Variants in NET1 observed in about 807,000 individuals in gnomAD.
NET1 encodes the protein neuroepithelial cell-transforming gene 1 protein.
NET1 carries 42 observed loss-of-function variants against 61.1 expected under a neutral mutation model. That is an observed-to-expected ratio of 0.69 (90% CI 0.54 to 0.89). The LOEUF is 0.89. Ranked by LOEUF, NET1 falls within the 40% of genes least tolerant of loss-of-function variation. NET1 has a pLI of 0.00. For synonymous variants in NET1, 254 were observed against 281.8 expected (o/e 0.90, Z 0.99); for missense variants, 654 against 747.3 (o/e 0.88, Z 1.46).
chr10:5,430,438 G>A (rs530370640), intron 3 of NET1, among the ~76,000 whole-genome samples: 7 of 150,414 alleles, frequency 4.7e-5, no homozygotes, highest in Admixed American at 4.0e-4. Flanking sequence ...GCAGTGGTGC[G>A]ATCTCGGCCC....
rs1473397787 is a variant in NET1 at position 5,422,811 on chromosome 10, G to A, written c.129-3844G>A. Among the ~76,000 whole-genome samples, 1 of 152,220 alleles carries A rather than the reference G, an allele frequency of 6.6e-6. No individual in the cohort carries two copies. The highest frequency in any genetic ancestry group is 2.4e-5 in the African/African-American group (1 of 41,464). ...GCAAAGATGCTGAACAGCCAAAACA[G>A]TAGTGGATGTCTACTACATCAGATA... On this transcript the variant is annotated intron_variant, in intron 1 of 11. Transcript: ENST00000355029. This position sits in a 1 kb window ranked among gnomAD's most constrained non-coding sequence, Gnocchi z 4.1.
chr10:5,428,563 A>ACAGC (rs1832297105), intron 2 of NET1, among the ~76,000 whole-genome samples: 1 of 151,868 alleles, frequency 6.6e-6, no homozygotes, highest in Non-Finnish European at 1.5e-5. Flanking sequence ...ACAAGTACAG[A>ACAGC]CAGCCCTTGA....
In NET1 at chr10:5,441,606, G is replaced by A. The variant is rs893081508; in HGVS notation, c.256-10224G>A. 5.9e-5 allele frequency among the ~76,000 whole-genome samples: 9 copies of A among 152,136 alleles called. No individual in the cohort carries two copies. The highest frequency in any genetic ancestry group is 1.0e-4 in the Non-Finnish European group (7 of 68,016). On this transcript the variant is annotated intron_variant, in intron 3 of 11. Transcript: ENST00000355029. The surrounding 1 kb of genome is among the most constrained non-coding windows in gnomAD (Gnocchi z 4.6). ...TTGATTGGCTATTTGTGTTGTCATC[G>A]CACAAAAGAACCATTGTTTTGACAA...
At position 5,453,706 on chromosome 10, in the gene NET1, A is replaced by G. The variant is rs1480705009; in HGVS notation, c.768+146A>G. ...AAACTGAACAAATTTACAGTGACATAAGAAGTTACAGTCTGTTTAAAAAAA... is the reference window on the plus strand; with the variant it reads ...AAACTGAACAAATTTACAGTGACATGAGAAGTTACAGTCTGTTTAAAAAAA... On this transcript the variant is annotated intron_variant, in intron 8 of 11. Transcript: ENST00000355029. This position sits in a 1 kb window ranked among gnomAD's most constrained non-coding sequence, Gnocchi z 4.9. 2 of 663,296 alleles carry G rather than the reference A, an allele frequency of 3.0e-6. No homozygotes were observed. Among genetic ancestry groups the G allele is most frequent in the Non-Finnish European group, 5.3e-6 (2 of 379,268 alleles). 41.1% of individuals were successfully genotyped at this position (663,296 alleles called of 1,614,324 possible).
intron 3 of NET1, among the ~76,000 whole-genome samples, chr10:5,430,120 G>A (rs1404274836): frequency 6.6e-6 from 1 of 152,072 alleles, no homozygotes; most frequent in Non-Finnish European, 1.5e-5. Context: ...TTGCAAAACA[G>A]TTTTAGTTGC....
rs1832258659 is a variant in NET1 at position 5,426,450 on chromosome 10, G to C, written c.129-205G>C. On this transcript the variant is annotated intron_variant, in intron 1 of 11. Transcript: ENST00000355029. The surrounding 1 kb of genome is among the most constrained non-coding windows in gnomAD (Gnocchi z 4.6). ...TTTATATAGGCCTTTTCACTCTAAAGATGCTGAGAATGACCAAAACCTATA... is the reference window on the plus strand; with the variant it reads ...TTTATATAGGCCTTTTCACTCTAAACATGCTGAGAATGACCAAAACCTATA... Among the ~76,000 whole-genome samples the C allele has an allele frequency of 2.6e-5, 4 of 152,052 alleles. No individual in the cohort carries two copies. Among genetic ancestry groups the C allele is most frequent in the African/African-American group, 9.7e-5 (4 of 41,416 alleles).
At position 5,443,136 on chromosome 10, in the gene NET1, G is replaced by A. The variant is rs7073773; in HGVS notation, c.256-8694G>A. 0.043 allele frequency among the ~76,000 whole-genome samples: 6,595 copies of A among 152,250 alleles called. 205 individuals carry two copies. Among genetic ancestry groups the A allele is most frequent in the South Asian group, 0.15 (737 of 4,830 alleles). On this transcript the variant is annotated intron_variant, in intron 3 of 11. Transcript: ENST00000355029. This position sits in a 1 kb window ranked among gnomAD's most constrained non-coding sequence, Gnocchi z 4.8. Reference sequence around the variant, plus strand: ...GTCACTAACATATACTGAGCACCTAGTGTGTCTCAGAACATGTGCTAAAGG... The same window carrying A: ...GTCACTAACATATACTGAGCACCTAATGTGTCTCAGAACATGTGCTAAAGG...
intron 3 of NET1, among the ~76,000 whole-genome samples, chr10:5,445,517 A>C (rs6601971): frequency 0.98 from 148,754 of 152,328 alleles, 72,728 homozygotes; most frequent in East Asian, 1. Flanking sequence ...TAATAGATTT[A>C]TCTGATTCTA....
intron 3 of NET1, among the ~76,000 whole-genome samples, chr10:5,448,100 T>C (rs1832646327): frequency 6.6e-6 from 1 of 152,262 alleles, no homozygotes. Context: ...TATTTTCTTT[T>C]GATTTTAAAG....
In NET1 at chr10:5,456,201, C is replaced by T; in HGVS notation, c.1312C>T (p.Leu438=). The T allele has an allele frequency of 1.9e-6, 3 of 1,614,216 alleles. No individual in the cohort carries two copies. The highest frequency in any genetic ancestry group is 2.2e-5 in the East Asian group (1 of 44,886). The part of the protein sequence containing the change: ...RQPIPVQELV[L]EDLQDGDVRM... ...GCCAATCCCAGTCCAAGAGCTAGTC[C>T]TAGAAGACCTGCAGGATGGAGATGT... The change falls in exon 11 of 12, where the codon CTA becomes TTA. Residue 438 remains leucine, a synonymous_variant. Transcript: ENST00000355029. This position sits in a 1 kb window ranked among gnomAD's most constrained non-coding sequence, Gnocchi z 7.0.
chr10:5,430,112 G>A (rs1211742082), intron 3 of NET1, among the ~76,000 whole-genome samples: 1 of 151,884 alleles, frequency 6.6e-6, no homozygotes, highest in Non-Finnish European at 1.5e-5. Context: ...TAAGCATTTT[G>A]CAAAACAGTT....
rs536878670 is a variant in NET1, at chr10:5,435,468, G to A, written c.255+6239G>A. On this transcript the variant is annotated intron_variant, in intron 3 of 11. Transcript: ENST00000355029. The surrounding 1 kb of genome is among the most constrained non-coding windows in gnomAD (Gnocchi z 5.0). ...GAGCCATTCTACTTTATATGCCTCC[G>A]TGCCTGAGATAGATAGATAGATAGA... Among the ~76,000 whole-genome samples, 51 of 150,214 alleles carry A rather than the reference G, an allele frequency of 3.4e-4. 1 individual carries two copies. Among genetic ancestry groups the A allele is most frequent in the Non-Finnish European group, 2.5e-4 (17 of 67,786 alleles).
chr10:5,444,731 C>T lies in NET1; in HGVS notation c.256-7099C>T, dbSNP rs529640471. Among the ~76,000 whole-genome samples the T allele has an allele frequency of 2.4e-4, 37 of 152,320 alleles. No homozygotes were observed. In the Middle Eastern group the frequency reaches 0.014, roughly 56 times the overall value. ...GTCATCTCATTCACTCCCATAGCTTCGATTTTTATCTCTGTATCTGACTCT... is the reference window on the plus strand; with the variant it reads ...GTCATCTCATTCACTCCCATAGCTTTGATTTTTATCTCTGTATCTGACTCT... On this transcript the variant is annotated intron_variant, in intron 3 of 11. Transcript: ENST00000355029. This position sits in a 1 kb window ranked among gnomAD's most constrained non-coding sequence, Gnocchi z 5.3.
rs1832634923 is a variant in NET1, at chr10:5,447,560, CA to C, written c.256-4269del. Reference sequence around the variant, plus strand: ...ATGCTAGGAATAGTGTTCCTGCATTCAGTTAACTGTGTATCTCTTGATTGTG... The same window carrying C: ...ATGCTAGGAATAGTGTTCCTGCATTCGTTAACTGTGTATCTCTTGATTGTG... On this transcript the variant is annotated intron_variant, in intron 3 of 11. Coordinates refer to ENST00000355029, the MANE Select transcript of NET1 (RefSeq NM_001047160.3). The surrounding 1 kb of genome is among the most constrained non-coding windows in gnomAD (Gnocchi z 4.1). Among the ~76,000 whole-genome samples, 1 of 152,154 alleles carries C rather than the reference CA, an allele frequency of 6.6e-6. No homozygotes were observed. The highest frequency in any genetic ancestry group is 2.4e-5 in the African/African-American group (1 of 41,418).
intron 3 of NET1, among the ~76,000 whole-genome samples, chr10:5,442,977 A>G (rs1832546676): frequency 6.6e-6 from 1 of 152,218 alleles, no homozygotes; most frequent in Non-Finnish European, 1.5e-5. Flanking sequence ...TGTTATAAAA[A>G]GGCTATAAGG....
At chr10:5,425,565 GCCAGATATACCCCTAA>G (rs1207247502) in intron 1 of NET1, among the ~76,000 whole-genome samples, 1 of 152,154 alleles carries the variant, frequency 6.6e-6, no homozygotes, top group African/African-American at 2.4e-5. Flanking sequence ...ACCTGTGAAA[GCCAGATATACCCCTAA>G]CCAATCACAG....
Position 5,440,815 on chromosome 10 carries a change from C to T in NET1, c.256-11015C>T, listed in dbSNP as rs1305297509. On this transcript the variant is annotated intron_variant, in intron 3 of 11. Coordinates refer to ENST00000355029, the MANE Select transcript of NET1 (RefSeq NM_001047160.3). This position sits in a 1 kb window ranked among gnomAD's most constrained non-coding sequence, Gnocchi z 4.1. ...ACCACTACTATGTAAGGCATTGCCT[C>T]ACTACTCTGTGTCTCATCCCTATTC... Among the ~76,000 whole-genome samples, 3 of 152,218 alleles carry T rather than the reference C, an allele frequency of 2.0e-5. No individual in the cohort carries two copies. Among genetic ancestry groups the T allele is most frequent in the South Asian group, 2.1e-4 (1 of 4,830 alleles).
intron 3 of NET1, among the ~76,000 whole-genome samples, chr10:5,445,415 T>A (rs1350558543): frequency 6.6e-6 from 1 of 152,208 alleles, no homozygotes; most frequent in Non-Finnish European, 1.5e-5. Context: ...TGTTATCTCT[T>A]CATGTGGCCT....
At position 5,452,856 on chromosome 10, in the gene NET1, A is replaced by C; in HGVS notation, c.532-2A>C. 2 of 1,611,908 alleles carry C rather than the reference A, an allele frequency of 1.2e-6. No individual in the cohort carries two copies. Among genetic ancestry groups the C allele is most frequent in the South Asian group, 2.2e-5 (2 of 90,170 alleles). ...CCTCTGATGTTTGCTGGATGTTTTT[A>C]GGCAATATATGAAATGTCCCGAGGT... On this transcript the variant is annotated splice_acceptor_variant, in intron 5 of 11. Coordinates refer to ENST00000355029, the MANE Select transcript of NET1 (RefSeq NM_001047160.3). LOFTEE classifies it high-confidence loss of function. This position sits in a 1 kb window ranked among gnomAD's most constrained non-coding sequence, Gnocchi z 4.0.
Sources: gnomAD v4.1 joint callset for allele counts (sites outside exome capture counted in the v4.1 genomes callset) on GRCh38, gnomAD v4.1.1 for gene constraint, Gnocchi (gnomAD v3.1) non-coding constraint, MANE v1.5 for transcripts, NCBI Gene and HGNC (gene_info 2026-07-23, HGNC 2026-07-21) for gene names.